DLGAP2: variants seen among roughly 807,000 people sequenced by gnomAD.
DLGAP2 encodes disks large-associated protein 2.
In DLGAP2, 26 loss-of-function variants were observed where a neutral mutation model predicts 100.3. That is an observed-to-expected ratio of 0.26 (90% CI 0.19 to 0.36). The LOEUF (loss-of-function observed/expected upper bound fraction) is 0.36, where lower values mean the gene tolerates loss of function less well. DLGAP2 is among the 10% of genes least tolerant of loss of function. The probability of loss-of-function intolerance (pLI) is 1.00; values close to 1 mark genes in which losing one functional copy is unlikely to be tolerated. For missense variants in DLGAP2, 1,858 were observed against 1,453.2 expected (o/e 1.28, Z -4.53); for synonymous variants, 886 against 630.1 (o/e 1.41, Z -6.08).
At chr8:1,365,633 C>G (rs920855415) in intron 3 of DLGAP2, among the ~76,000 whole-genome samples, 4 of 152,202 alleles carry the variant, frequency 2.6e-5, no homozygotes, top group Non-Finnish European at 4.4e-5. Flanking sequence ...TGGCATTGAC[C>G]TGTCTCCAAA....
intron 3 of DLGAP2, among the ~76,000 whole-genome samples, chr8:1,375,077 C>T (rs1156237856): frequency 1.3e-5 from 2 of 150,004 alleles, no homozygotes; most frequent in African/African-American, 4.9e-5. Context: ...TTAACATCAC[C>T]TCTCCACGAC....
At chr8:1,606,778 G>A (rs1375649685) in intron 6 of DLGAP2, among the ~76,000 whole-genome samples, 1 of 152,160 alleles carries the variant, frequency 6.6e-6, no homozygotes, top group Non-Finnish European at 1.5e-5. Flanking sequence ...CGCCCCCTGA[G>A]CTCAAGGAAT....
chr8:1,544,692 C>T (rs942227466), intron 4 of DLGAP2, among the ~76,000 whole-genome samples: 49 of 151,764 alleles, frequency 3.2e-4, no homozygotes, highest in African/African-American at 1.2e-3. Flanking sequence ...GTATATAATT[C>T]TCCTCATATG....
At chr8:1,202,906 G>C (rs1205855685) in intron 2 of DLGAP2, among the ~76,000 whole-genome samples, 1 of 152,218 alleles carries the variant, frequency 6.6e-6, no homozygotes, top group Admixed American at 6.5e-5. Context: ...CCTCTTCAAG[G>C]CGCACGCATT....
intron 3 of DLGAP2, among the ~76,000 whole-genome samples, chr8:1,264,439 C>T (rs1799411935): frequency 6.6e-6 from 1 of 152,162 alleles, no homozygotes. Context: ...AAGCTCATCG[C>T]ACATCCAGGG....
chr8:748,993 C>G (rs1015969900), intron 1 of DLGAP2, among the ~76,000 whole-genome samples: 7 of 152,160 alleles, frequency 4.6e-5, no homozygotes, highest in African/African-American at 9.7e-5. Flanking sequence ...TACTTTTGTA[C>G]ATTTTCTTTT....
intron 2 of DLGAP2, among the ~76,000 whole-genome samples, chr8:1,077,295 G>C (rs1174262800): frequency 2.0e-5 from 3 of 152,128 alleles, no homozygotes; most frequent in Non-Finnish European, 4.4e-5. Context: ...CATGTTGGGA[G>C]GTCCTGGGCT....
chr8:1,686,723 C>T (rs956829255), intron 12 of DLGAP2, among the ~76,000 whole-genome samples: 11 of 151,408 alleles, frequency 7.3e-5, no homozygotes, highest in Non-Finnish European at 1.0e-4. Context: ...TGGTGGTTAC[C>T]GGAACAGGAG....
chr8:1,474,603 G>A (rs976825506), intron 3 of DLGAP2, among the ~76,000 whole-genome samples: 1 of 152,182 alleles, frequency 6.6e-6, no homozygotes. Context: ...AGACATACAA[G>A]TGGGCAGAAA....
At chr8:1,651,231 C>T (rs905378440) in intron 8 of DLGAP2, among the ~76,000 whole-genome samples, 1 of 152,248 alleles carries the variant, frequency 6.6e-6, no homozygotes, top group Admixed American at 6.5e-5. Context: ...GAGCCACACA[C>T]ATATGTGGCT....
chr8:1,524,476 G>A (rs987055447), intron 4 of DLGAP2, among the ~76,000 whole-genome samples: 1 of 152,076 alleles, frequency 6.6e-6, no homozygotes, highest in African/African-American at 2.4e-5. Flanking sequence ...CTTAAACAAC[G>A]GACGTTGATT....
intron 2 of DLGAP2, among the ~76,000 whole-genome samples, chr8:1,078,065 T>C (rs1285869257): frequency 1.3e-5 from 2 of 152,082 alleles, no homozygotes; most frequent in Non-Finnish European, 2.9e-5. Flanking sequence ...CGGGACCCGG[T>C]GAGGGTTACC....
chr8:771,237 G>C (rs1585845465), intron 1 of DLGAP2, among the ~76,000 whole-genome samples: 2 of 152,170 alleles, frequency 1.3e-5, no homozygotes, highest in African/African-American at 4.8e-5. Flanking sequence ...ATGTCCTTAA[G>C]AATTTTGTGC....
intron 2 of DLGAP2, among the ~76,000 whole-genome samples, chr8:1,240,551 C>G (rs1469829140): frequency 4.7e-5 from 7 of 149,254 alleles, no homozygotes; most frequent in African/African-American, 1.2e-4. Flanking sequence ...TCACATGGCG[C>G]TGTGTCTAGT....
At chr8:1,067,803 GTCA>G (rs1360174151) in intron 2 of DLGAP2, among the ~76,000 whole-genome samples, 2 of 150,114 alleles carry the variant, frequency 1.3e-5, no homozygotes, top group Non-Finnish European at 3.0e-5. Flanking sequence ...AACACGACAC[GTCA>G]TCCTCACCCG....
intron 3 of DLGAP2, among the ~76,000 whole-genome samples, chr8:1,426,568 T>C (rs7828990): frequency 6.6e-6 from 1 of 152,030 alleles, no homozygotes; most frequent in Non-Finnish European, 1.5e-5. Context: ...GAAAGGGTTC[T>C]GCTGTTGCCT....
chr8:840,348 C>T (rs1331735316), intron 1 of DLGAP2, among the ~76,000 whole-genome samples: 3 of 117,020 alleles, frequency 2.6e-5, no homozygotes, highest in Admixed American at 8.4e-5. Context: ...ATTCTGCGAG[C>T]GCGTCTACAC....
chr8:1,091,408 C>G (rs1425279720), intron 2 of DLGAP2, among the ~76,000 whole-genome samples: 1 of 152,246 alleles, frequency 6.6e-6, no homozygotes. Context: ...GATTCCTTTT[C>G]TCAGTCTAGT....
intron 3 of DLGAP2, among the ~76,000 whole-genome samples, chr8:1,298,757 A>G (rs780133996): frequency 6.6e-6 from 1 of 152,210 alleles, no homozygotes; most frequent in African/African-American, 2.4e-5. Flanking sequence ...CCTTATAAAA[A>G]CTTTAAACTA....
Sources: gnomAD v4.1 joint callset for allele counts (sites outside exome capture counted in the v4.1 genomes callset) on GRCh38, gnomAD v4.1.1 for gene constraint, MANE v1.5 for transcripts, NCBI Gene and HGNC (gene_info 2026-07-23, HGNC 2026-07-21) for gene names.